RAPGEF6: variants seen among roughly 807,000 people sequenced by gnomAD.
RAPGEF6 encodes PDZ domain containing guanine nucleotide exchange factor (GEF) 2.
RAPGEF6 carries 56 observed loss-of-function variants against 171.4 expected under a neutral mutation model. The ratio of observed to expected loss-of-function variants is 0.33; its 90% confidence interval spans 0.26 to 0.41. RAPGEF6 has a LOEUF of 0.41. Ranked by LOEUF, RAPGEF6 falls within the 10% of genes least tolerant of loss-of-function variation. The pLI, the probability that RAPGEF6 is intolerant of heterozygous loss-of-function variation, is 1.00. For missense variants in RAPGEF6, 1,674 were observed against 1,921.4 expected (o/e 0.87, Z 2.41); for synonymous variants, 692 against 650.1 (o/e 1.06, Z -0.98).
chr5:131,462,165 TA>T, intron 18 of RAPGEF6, 77 bp from the exon 19 acceptor site: 2 of 1,145,594 alleles, frequency 1.7e-6, no homozygotes, highest in Non-Finnish European at 2.3e-6. Flanking sequence ...TTTGTCGTTG[TA>T]AAATATCATT....
At chr5:131,624,577 T>C (rs1463061624) in intron 1 of RAPGEF6, among the ~76,000 whole-genome samples, 1 of 152,192 alleles carries the variant, frequency 6.6e-6, no homozygotes, top group African/African-American at 2.4e-5. Flanking sequence ...GCCCAGGGGC[T>C]GGAGGCCAAC....
chr5:131,469,724 C>A (rs1288493373), intron 17 of RAPGEF6: 4 of 1,112,758 alleles, frequency 3.6e-6, no homozygotes, highest in Middle Eastern at 2.7e-4. Context: ...AATTCTGTAT[C>A]ATTGGACTTT....
At chr5:131,513,942 T>A (rs549395063) in intron 7 of RAPGEF6, among the ~76,000 whole-genome samples, 1 of 152,052 alleles carries the variant, frequency 6.6e-6, no homozygotes, top group African/African-American at 2.4e-5. Flanking sequence ...GTGGGAGGAT[T>A]GCTTAAGCCT....
At position 131,505,514 on chromosome 5, in the gene RAPGEF6, T is replaced by C. The variant is rs754863756; in HGVS notation, c.951A>G (p.Ser317=). 4.4e-5 allele frequency: 71 copies of C among 1,612,660 alleles called. 1 individual carries two copies. The South Asian group carries it at 7.5e-4, about 17-fold the overall frequency. ...IILEDGQELD[S]WYVILNGTVE... is the part of the protein sequence containing the mutation. ...CAGTGCCGTTTAAAATAACATACCA[T>C]GAGTCAAGCTATAGAGAAAAACAAA... Residue 317 remains serine (S), a synonymous_variant, in exon 10 of 28, where the codon TCA becomes TCG. Transcript: ENST00000509018.
intron 3 of RAPGEF6, among the ~76,000 whole-genome samples, chr5:131,600,504 A>G (rs1429204961): frequency 7.1e-5 from 10 of 140,104 alleles, no homozygotes; most frequent in East Asian, 2.5e-4. Flanking sequence ...CCTGGGTGAC[A>G]TGGTGAGACG....
At chr5:131,460,042 G>T (rs1338596932) in intron 19 of RAPGEF6, among the ~76,000 whole-genome samples, 2 of 152,088 alleles carry the variant, frequency 1.3e-5, no homozygotes, top group Non-Finnish European at 2.9e-5. Context: ...TGAACATGAA[G>T]TACAAGAATA....
chr5:131,501,327 C>G (rs1369848268), intron 11 of RAPGEF6, among the ~76,000 whole-genome samples: 11 of 145,646 alleles, frequency 7.6e-5, no homozygotes, highest in African/African-American at 2.6e-4. Flanking sequence ...CAGAGTGAGA[C>G]TTTGTCTCCA....
intron 8 of RAPGEF6, among the ~76,000 whole-genome samples, chr5:131,509,521 C>T (rs948254479): frequency 2.0e-5 from 3 of 150,532 alleles, no homozygotes; most frequent in Admixed American, 6.6e-5. Flanking sequence ...CCAGCCTGGG[C>T]GACAGAGTGA....
intron 4 of RAPGEF6, among the ~76,000 whole-genome samples, chr5:131,586,704 G>GA (rs1484443977): frequency 2.0e-5 from 3 of 152,064 alleles, no homozygotes; most frequent in Non-Finnish European, 4.4e-5. Context: ...CTATAAAATT[G>GA]AAAAGAATGA....
chr5:131,528,258 A>G (rs1759076213), intron 6 of RAPGEF6, among the ~76,000 whole-genome samples: 1 of 130,522 alleles, frequency 7.7e-6, no homozygotes, highest in African/African-American at 3.0e-5. Flanking sequence ...TAAATAAAAT[A>G]AAATAATATA....
At chr5:131,489,357 T>C (rs538573422) in intron 15 of RAPGEF6, among the ~76,000 whole-genome samples, 189 bp downstream of exon 15, 2 of 152,278 alleles carry the variant, frequency 1.3e-5, no homozygotes, top group Non-Finnish European at 2.9e-5. Flanking sequence ...ACTATCAAAA[T>C]AATTAAAAAC....
intron 21 of RAPGEF6, among the ~76,000 whole-genome samples, chr5:131,449,783 G>A (rs535993130): frequency 6.6e-6 from 1 of 152,212 alleles, no homozygotes; most frequent in South Asian, 2.1e-4. Context: ...TCATCTAACT[G>A]ACCTAGCTAA....
Position 131,499,174 on chromosome 5 carries a change from TCATA to T in RAPGEF6, c.1255-571_1255-568del. 2.0e-5 allele frequency among the ~76,000 whole-genome samples: 3 copies of T among 152,344 alleles called. No homozygotes were observed. The South Asian group carries it at 6.2e-4, about 32-fold the overall frequency. On this transcript the variant is annotated intron_variant, in intron 11 of 27. Coordinates refer to ENST00000509018, the MANE Select transcript of RAPGEF6 (RefSeq NM_016340.6). The stretch of plus-strand genomic sequence containing the variant: ...AATATTTCCTTTTCTACAGTTCCTC[TCATA>T]CAGTTTCCTCTCCATGCTAGGTCAC...
intron 6 of RAPGEF6, among the ~76,000 whole-genome samples, chr5:131,538,513 T>G (rs1427674209): frequency 6.6e-6 from 1 of 152,196 alleles, no homozygotes; most frequent in Non-Finnish European, 1.5e-5. Flanking sequence ...TTATGTGGTC[T>G]GTCATTACGC....
chr5:131,458,251 T>G (rs185462853), intron 19 of RAPGEF6, among the ~76,000 whole-genome samples: 1 of 152,284 alleles, frequency 6.6e-6, no homozygotes, highest in East Asian at 1.9e-4. Flanking sequence ...GAGGCAGATT[T>G]CCCCTACGCT....
chr5:131,464,807 G>A (rs868062977), intron 17 of RAPGEF6, among the ~76,000 whole-genome samples: 2 of 152,090 alleles, frequency 1.3e-5, no homozygotes, highest in Non-Finnish European at 2.9e-5. Context: ...TAGAAGGCAC[G>A]CATACTTTTA....
chr5:131,428,677 G>C, intron 27 of RAPGEF6, among the ~76,000 whole-genome samples: 1 of 151,850 alleles, frequency 6.6e-6, no homozygotes, highest in East Asian at 1.9e-4. Flanking sequence ...GGACAGGCTG[G>C]TCAGGAACTC....
Position 131,505,590 on chromosome 5 carries a change from G to T in RAPGEF6, c.943-68C>A, listed in dbSNP as rs1374765789. Reference sequence around the variant, plus strand: ...GTAGTTACATGTTAACTTTGAAAAAGAATCTATCAATATATATAACTTGAA... The same window carrying T: ...GTAGTTACATGTTAACTTTGAAAAATAATCTATCAATATATATAACTTGAA... On this transcript the variant is annotated intron_variant, in intron 9 of 27. Transcript: ENST00000509018. 2.9e-6 allele frequency: 4 copies of T among 1,361,728 alleles called. No homozygotes were observed. In the African/African-American group the frequency reaches 5.9e-5, roughly 20 times the overall value. The allele number at this position is 1,361,728 out of a possible 1,614,324, so 84.4% of individuals were successfully genotyped here.
chr5:131,462,719 TA>T (rs1357683608), intron 18 of RAPGEF6, among the ~76,000 whole-genome samples: 1 of 152,194 alleles, frequency 6.6e-6, no homozygotes, highest in Non-Finnish European at 1.5e-5. Context: ...CTACAGCACT[TA>T]AAAGTAAGAG....
Sources: gnomAD v4.1 joint callset for allele counts (sites outside exome capture counted in the v4.1 genomes callset) on GRCh38, gnomAD v4.1.1 for gene constraint, MANE v1.5 for transcripts, NCBI Gene and HGNC (gene_info 2026-07-23, HGNC 2026-07-21) for gene names.